SNX4: variants seen among roughly 807,000 people sequenced by gnomAD.
The protein encoded by SNX4 is sorting nexin 4.
In SNX4, 49 loss-of-function variants were observed where a neutral mutation model predicts 70.8. The observed-to-expected ratio is 0.69, with a 90% CI of 0.55 to 0.88. SNX4 has a LOEUF of 0.88. Ranked by LOEUF, SNX4 falls within the 40% of genes least tolerant of loss-of-function variation. The pLI is 0.00. For missense variants in SNX4, 528 were observed against 544.8 expected (o/e 0.97, Z 0.31); for synonymous variants, 206 against 183.8 (o/e 1.12, Z -0.98).
At chr3:125,487,062 G>T (rs1204567869) in intron 6 of SNX4, among the ~76,000 whole-genome samples, 1 of 152,134 alleles carries the variant, frequency 6.6e-6, no homozygotes, top group Non-Finnish European at 1.5e-5. Context: ...GCGAGTACTA[G>T]AAGAATCACT....
At chr3:125,515,571 G>A (rs1193407923) in intron 1 of SNX4, among the ~76,000 whole-genome samples, 1 of 148,000 alleles carries the variant, frequency 6.8e-6, no homozygotes, top group East Asian at 2.0e-4. Flanking sequence ...AGGCTGAGGT[G>A]GGAGGACTGC....
At chr3:125,465,392 C>A (rs1276756284) in intron 9 of SNX4, among the ~76,000 whole-genome samples, 2 of 150,650 alleles carry the variant, frequency 1.3e-5, no homozygotes, top group Non-Finnish European at 3.0e-5. Flanking sequence ...ATTACAAGCG[C>A]CTGCCACCAC....
chr3:125,504,297 C>A (rs141213650), intron 2 of SNX4, among the ~76,000 whole-genome samples: 2,564 of 142,992 alleles, frequency 0.018, 85 homozygotes, highest in African/African-American at 0.064. Flanking sequence ...CATGCCACTG[C>A]ATTCTAGCCT....
intron 7 of SNX4, among the ~76,000 whole-genome samples, chr3:125,479,575 A>C (rs952457288): frequency 2.0e-5 from 3 of 151,884 alleles, no homozygotes; most frequent in Non-Finnish European, 2.9e-5. Flanking sequence ...TAATAATAAT[A>C]ATAATAACAA....
intron 7 of SNX4, among the ~76,000 whole-genome samples, chr3:125,479,709 C>T (rs116484538): frequency 0.021 from 3,191 of 152,202 alleles, 109 homozygotes; most frequent in African/African-American, 0.072. Flanking sequence ...GAGACCAGAG[C>T]GGATGGTACA....
intron 1 of SNX4, 85 bp downstream of exon 1, chr3:125,519,947 C>A (rs1935369719): frequency 1.8e-6 from 2 of 1,090,860 alleles, no homozygotes; most frequent in South Asian, 1.9e-5. Context: ...TGGCCCGGCC[C>A]GGCCCAGCCC....
rs1006015539 is a variant in SNX4 at position 125,516,244 on chromosome 3, G to A, written c.141+3788C>T. 5.3e-5 allele frequency among the ~76,000 whole-genome samples: 8 copies of A among 152,026 alleles called. No homozygotes were observed. In the East Asian group the frequency reaches 1.5e-3, roughly 29 times the overall value. On this transcript the variant is annotated intron_variant, in intron 1 of 13. Coordinates refer to ENST00000251775, the MANE Select transcript of SNX4 (RefSeq NM_003794.4). ...CTGTCTGTTAACTGCCAACTCAATG[G>A]AATCTAAAAAACTACTCTGTCCTCC...
chr3:125,514,776 C>T (rs1264493957), intron 1 of SNX4, among the ~76,000 whole-genome samples: 1 of 152,126 alleles, frequency 6.6e-6, no homozygotes, highest in African/African-American at 2.4e-5. Flanking sequence ...GCAGCCTCAA[C>T]CTCCCTGGTT....
Position 125,477,405 on chromosome 3 carries a change from C to A in SNX4, c.727-649G>T, listed in dbSNP as rs1166485333. Among the ~76,000 whole-genome samples, 3 of 152,108 alleles carry A rather than the reference C, an allele frequency of 2.0e-5. No individual in the cohort carries two copies. In the East Asian group the frequency reaches 5.8e-4, roughly 29 times the overall value. ...CATCACTGAAATGTGTACTGCCTAG[C>A]CATTCACAGAAATTTTACAAGTTAA... On this transcript the variant is annotated intron_variant, in intron 7 of 13. Coordinates refer to ENST00000251775, the MANE Select transcript of SNX4 (RefSeq NM_003794.4).
intron 5 of SNX4, among the ~76,000 whole-genome samples, chr3:125,491,465 C>G (rs987485491): frequency 6.6e-6 from 1 of 152,206 alleles, no homozygotes; most frequent in African/African-American, 2.4e-5. Flanking sequence ...ACCAATTTAC[C>G]AATTTTTTAA....
intron 2 of SNX4, among the ~76,000 whole-genome samples, 200 bp from the exon 3 acceptor site, chr3:125,498,394 A>C (rs1241126440): frequency 1.3e-5 from 2 of 152,154 alleles, no homozygotes; most frequent in Non-Finnish European, 2.9e-5. Flanking sequence ...ATCACCACTT[A>C]CTGCAGCCTT....
intron 7 of SNX4, 151 bp downstream of exon 7, chr3:125,480,096 T>A (rs1352264101): frequency 7.4e-6 from 3 of 406,096 alleles, no homozygotes; most frequent in Admixed American, 4.4e-5. Context: ...CACATTTTTT[T>A]AAAAAGTGCA....
chr3:125,456,014 A>T (rs1181519595), intron 11 of SNX4, among the ~76,000 whole-genome samples: 1 of 152,162 alleles, frequency 6.6e-6, no homozygotes, highest in African/African-American at 2.4e-5. Context: ...AAACAAACAA[A>T]CAAACAAACA....
At chr3:125,462,006 A>G (rs1301374612) in intron 9 of SNX4, among the ~76,000 whole-genome samples, 1 of 152,154 alleles carries the variant, frequency 6.6e-6, no homozygotes, top group East Asian at 1.9e-4. Context: ...GACTCCCTCA[A>G]TGTCATCCCA....
At chr3:125,514,259 TAAA>T (rs1199880179) in intron 1 of SNX4, among the ~76,000 whole-genome samples, 3 of 152,154 alleles carry the variant, frequency 2.0e-5, no homozygotes, top group African/African-American at 7.2e-5. Flanking sequence ...AAAATACTTT[TAAA>T]ATAACAGCAG....
At chr3:125,471,597 C>T (rs1474362176) in intron 8 of SNX4, among the ~76,000 whole-genome samples, 2 of 152,130 alleles carry the variant, frequency 1.3e-5, no homozygotes, top group Non-Finnish European at 2.9e-5. Flanking sequence ...CATATGGATT[C>T]ACAACCTATG....
Position 125,470,307 on chromosome 3 carries a change from G to C in SNX4, c.789-788C>G, listed in dbSNP as rs1000007594. On this transcript the variant is annotated intron_variant, in intron 8 of 13. Transcript: ENST00000251775. ...ACTATTAAAATAATTTGTTCTAAAT[G>C]TCATTTTAAATGGCAACTCACAATC... 2.6e-5 allele frequency among the ~76,000 whole-genome samples: 4 copies of C among 152,008 alleles called. No homozygotes were observed. In the South Asian group the frequency reaches 6.2e-4, roughly 24 times the overall value.
In SNX4 at chr3:125,515,197, C is replaced by T. The variant is rs573840146; in HGVS notation, c.141+4835G>A. On this transcript the variant is annotated intron_variant, in intron 1 of 13. Coordinates refer to ENST00000251775, the MANE Select transcript of SNX4 (RefSeq NM_003794.4). ...ACCCCATCTCTACTAAAAAAAAATACAAAAATTAGCCAGGCGTGGTGGCGT... is the reference window on the plus strand; with the variant it reads ...ACCCCATCTCTACTAAAAAAAAATATAAAAATTAGCCAGGCGTGGTGGCGT... Among the ~76,000 whole-genome samples, 4 of 151,084 alleles carry T rather than the reference C, an allele frequency of 2.6e-5. No homozygotes were observed. In the South Asian group the frequency reaches 8.4e-4, roughly 32 times the overall value.
intron 10 of SNX4, among the ~76,000 whole-genome samples, chr3:125,459,469 C>T (rs1933819232): frequency 6.6e-6 from 1 of 152,154 alleles, no homozygotes; most frequent in African/African-American, 2.4e-5. Context: ...CAGAATCTCA[C>T]TCTGTCACCC....
Sources: gnomAD v4.1 joint callset for allele counts (sites outside exome capture counted in the v4.1 genomes callset) on GRCh38, gnomAD v4.1.1 for gene constraint, MANE v1.5 for transcripts, NCBI Gene and HGNC (gene_info 2026-07-23, HGNC 2026-07-21) for gene names.